CADPS: variants seen among roughly 807,000 people sequenced by gnomAD.
CADPS encodes calcium dependent secretion activator.
A neutral mutation model predicts 167.3 loss-of-function variants in CADPS; 57 were observed. The observed-to-expected ratio is 0.34, with a 90% CI of 0.28 to 0.42. CADPS has a LOEUF of 0.42. Among genes scored for constraint, CADPS ranks in the 20% least tolerant of loss-of-function variants. The pLI, the probability that CADPS is intolerant of heterozygous loss-of-function variation, is 1.00. For missense variants in CADPS, 1,414 were observed against 1,738.1 expected (o/e 0.81, Z 3.32); for synonymous variants, 676 against 635.3 (o/e 1.06, Z -0.96).
Position 62,509,940 on chromosome 3 carries a change from C to T in CADPS, c.2599+2811G>A, listed in dbSNP as rs1293687518. On this transcript the variant is annotated intron_variant, in intron 17 of 29. Coordinates refer to ENST00000383710, the MANE Select transcript of CADPS (RefSeq NM_003716.4). ...ATCCTGCTTCAGAAAGTTACTTATC[C>T]TCACTGAATCACAGCTCCTTCATCT... 2.6e-5 allele frequency among the ~76,000 whole-genome samples: 4 copies of T among 152,272 alleles called. No individual in the cohort carries two copies. In the East Asian group the frequency reaches 7.7e-4, roughly 29 times the overall value.
intron 22 of CADPS, among the ~76,000 whole-genome samples, chr3:62,480,618 G>A (rs1197039073): frequency 2.0e-5 from 3 of 152,178 alleles, no homozygotes; most frequent in Admixed American, 6.5e-5. Context: ...GCTGAGGGCC[G>A]TCTTGATGAA....
intron 1 of CADPS, among the ~76,000 whole-genome samples, chr3:62,836,832 A>T (rs2075971150): frequency 6.6e-6 from 1 of 152,170 alleles, no homozygotes; most frequent in Admixed American, 6.5e-5. Flanking sequence ...TGTCATCAGA[A>T]AAGTGACTGG....
chr3:62,742,947 C>T (rs1332322336), intron 3 of CADPS, among the ~76,000 whole-genome samples: 3 of 151,920 alleles, frequency 2.0e-5, no homozygotes, highest in African/African-American at 7.3e-5. Flanking sequence ...ACAAACAACC[C>T]AATTAAAAAG....
Position 62,478,419 on chromosome 3 carries a change from G to A in CADPS, c.3174-3C>T, listed in dbSNP as rs764410978. 1.5e-5 allele frequency: 24 copies of A among 1,612,586 alleles called. No individual in the cohort carries two copies. In the Admixed American group the frequency reaches 3.8e-4, roughly 26 times the overall value. On this transcript the variant is annotated splice_region_variant and splice_polypyrimidine_tract_variant and intron_variant, in intron 22 of 29. Transcript: ENST00000383710. This position sits in a 1 kb window ranked among gnomAD's most constrained non-coding sequence, Gnocchi z 5.7. ...CTTCTGAGGTGCCTGACCCATTACT[G>A]GCAGGACAAAAATTAGAAAATGAGA...
chr3:62,719,892 G>A (rs2151953602), intron 3 of CADPS, among the ~76,000 whole-genome samples: 2 of 152,322 alleles, frequency 1.3e-5, no homozygotes, highest in Non-Finnish European at 2.9e-5. Flanking sequence ...GTGAACAGAA[G>A]TGCTCTGTGT....
At chr3:62,847,442 C>T (rs1420926145) in intron 1 of CADPS, among the ~76,000 whole-genome samples, 10 of 99,500 alleles carry the variant, frequency 1.0e-4, no homozygotes, top group Non-Finnish European at 1.8e-4. Context: ...CCCCACCCCA[C>T]CACAGTCCCC....
intron 9 of CADPS, among the ~76,000 whole-genome samples, chr3:62,562,102 C>T (rs1260007270): frequency 6.6e-6 from 1 of 152,134 alleles, no homozygotes; most frequent in African/African-American, 2.4e-5. Context: ...GTATATGGTA[C>T]TGTAAGAGCT....
At chr3:62,507,927 C>G (rs1307405195) in intron 17 of CADPS, among the ~76,000 whole-genome samples, 1 of 152,162 alleles carries the variant, frequency 6.6e-6, no homozygotes, top group African/African-American at 2.4e-5. Context: ...GTATTTTAAT[C>G]TTTGCAATAA....
At chr3:62,767,909 G>T (rs565199342) in intron 1 of CADPS, among the ~76,000 whole-genome samples, 1 of 152,246 alleles carries the variant, frequency 6.6e-6, no homozygotes, top group South Asian at 2.1e-4. Context: ...GACAGTTTAC[G>T]TTTAAAAAAT....
At chr3:62,830,209 C>G (rs1417098633) in intron 1 of CADPS, among the ~76,000 whole-genome samples, 1 of 152,188 alleles carries the variant, frequency 6.6e-6, no homozygotes, top group East Asian at 1.9e-4. Flanking sequence ...CCTTTGAAAT[C>G]TGTTGAAAGA....
At chr3:62,774,045 T>G (rs1344941165) in intron 1 of CADPS, among the ~76,000 whole-genome samples, 1 of 152,006 alleles carries the variant, frequency 6.6e-6, no homozygotes, top group Non-Finnish European at 1.5e-5. Context: ...GAACATTGAT[T>G]AAGATGGGAT....
chr3:62,849,629 A>C (rs1412547893), intron 1 of CADPS, among the ~76,000 whole-genome samples: 1 of 134,480 alleles, frequency 7.4e-6, no homozygotes, highest in Non-Finnish European at 1.6e-5. Flanking sequence ...GATGAAGGCC[A>C]CTTGATCATG....
chr3:62,406,674 A>C (rs557952421), intron 28 of CADPS, among the ~76,000 whole-genome samples: 16 of 152,312 alleles, frequency 1.1e-4, no homozygotes, highest in African/African-American at 3.8e-4. Flanking sequence ...CCTAAAACAC[A>C]GCACTAAAGA....
In CADPS at chr3:62,790,167, A is replaced by G. The variant is rs542832604; in HGVS notation, c.442-24183T>C. On this transcript the variant is annotated intron_variant, in intron 1 of 29. Transcript: ENST00000383710. ...TAGAATTTTATGAAATGATGCAGGA[A>G]AATGTTCATAAAGAGTATGCAACAT... Among the ~76,000 whole-genome samples the G allele has an allele frequency of 2.6e-5, 4 of 152,302 alleles. No individual in the cohort carries two copies. In the South Asian group the frequency reaches 8.3e-4, roughly 32 times the overall value.
Position 62,499,175 on chromosome 3 carries a change from T to A in CADPS, c.2693A>T (p.Glu898Val), listed in dbSNP as rs774327812. The change falls in exon 18 of 30, where the codon GAG becomes GTG. Residue 898 changes from glutamate (E) to valine (V), a missense_variant. Glu to Val is a moderately radical substitution (Grantham distance 121). Coordinates refer to ENST00000383710, the MANE Select transcript of CADPS (RefSeq NM_003716.4). ...AAGCCTGCTCACCTCTGCGTGGTGC[T>A]CCTCATTTTGCTGAAGAACTTCAAT... is the stretch of plus-strand genomic sequence containing the variant. ...LVIEVLQQNE[E>V]HHAEPHVDKG... 1 of 1,611,130 alleles carries A rather than the reference T, an allele frequency of 6.2e-7. No individual in the cohort carries two copies. Among genetic ancestry groups the A allele is most frequent in the Admixed American group, 1.7e-5 (1 of 60,008 alleles).
At chr3:62,620,853 C>G (rs1008908148) in intron 6 of CADPS, among the ~76,000 whole-genome samples, 2 of 152,166 alleles carry the variant, frequency 1.3e-5, no homozygotes, top group Non-Finnish European at 2.9e-5. Context: ...TTCCTCACTT[C>G]AAGCAGGAAT....
chr3:62,750,636 A>G (rs75089092), intron 3 of CADPS, among the ~76,000 whole-genome samples: 1 of 152,190 alleles, frequency 6.6e-6, no homozygotes. Context: ...ATAAAAATCA[A>G]CCATAATCCT....
intron 7 of CADPS, among the ~76,000 whole-genome samples, chr3:62,592,145 C>T (rs1354263276): frequency 6.6e-6 from 1 of 152,182 alleles, no homozygotes; most frequent in Non-Finnish European, 1.5e-5. Flanking sequence ...TTGTAGCTGT[C>T]ACCTTCACAG....
chr3:62,697,024 T>A (rs1250298968), intron 3 of CADPS, among the ~76,000 whole-genome samples: 1 of 152,088 alleles, frequency 6.6e-6, no homozygotes, highest in Non-Finnish European at 1.5e-5. Context: ...GTCAAATATA[T>A]CCGCTTTGGA....
Sources: allele counts gnomAD v4.1 joint callset (sites outside exome capture counted in the v4.1 genomes callset), GRCh38; gene constraint gnomAD v4.1.1; non-coding constraint Gnocchi (gnomAD v3.1); transcripts MANE v1.5; gene names NCBI Gene and HGNC (gene_info 2026-07-23, HGNC 2026-07-21).